The following TRHDE variants were observed in gnomAD, a reference collection of about 807,000 sequenced individuals.
The protein encoded by TRHDE is thyrotropin releasing hormone degrading enzyme.
Under a neutral mutation model 125.7 loss-of-function variants are expected in TRHDE, and 72 were observed. The ratio of observed to expected loss-of-function variants is 0.57; its 90% CI spans 0.47 to 0.70. The LOEUF is 0.70. TRHDE is among the 30% of genes least tolerant of loss of function. TRHDE has a pLI of 0.00. For missense variants in TRHDE, 1,110 were observed against 1,327.1 expected (o/e 0.84, Z 2.54); for synonymous variants, 509 against 509.1 (o/e 1.00, Z 0.00).
chr12:72,546,884 C>G (rs1331754465), intron 7 of TRHDE, among the ~76,000 whole-genome samples: 1 of 151,698 alleles, frequency 6.6e-6, no homozygotes, highest in Non-Finnish European at 1.5e-5. Context: ...AGCCCACATG[C>G]CTGCTCTCTG....
At chr12:72,535,170 AT>A (rs1160444714) in intron 6 of TRHDE, among the ~76,000 whole-genome samples, 1 of 152,070 alleles carries the variant, frequency 6.6e-6, no homozygotes, top group East Asian at 1.9e-4. Context: ...TCTCAGAAAA[AT>A]TTTGAAATAG....
chr12:72,158,180 G>A (rs1876559833), intron 2 of TRHDE, among the ~76,000 whole-genome samples: 1 of 152,052 alleles, frequency 6.6e-6, no homozygotes, highest in Non-Finnish European at 1.5e-5. Context: ...ATTGCAAGAG[G>A]ATATAGGCAA....
At position 72,297,234 on chromosome 12, in the gene TRHDE, A is replaced by C. The variant is rs568675799; in HGVS notation, c.1188+10280A>C. ...ATGGTACCCGGAGAAGCAGGGAGGCAAGTGAACCCATAATGGAAGTGATGT... is the reference window on the plus strand; with the variant it reads ...ATGGTACCCGGAGAAGCAGGGAGGCCAGTGAACCCATAATGGAAGTGATGT... On this transcript the variant is annotated intron_variant, in intron 2 of 18. Coordinates refer to ENST00000261180, the MANE Select transcript of TRHDE (RefSeq NM_013381.3). Among the ~76,000 whole-genome samples the C allele has an allele frequency of 2.6e-5, 4 of 152,274 alleles. No homozygotes were observed. The East Asian group carries it at 7.7e-4, about 29-fold the overall frequency.
At chr12:72,297,723 C>T (rs1880355616) in intron 2 of TRHDE, among the ~76,000 whole-genome samples, 1 of 152,190 alleles carries the variant, frequency 6.6e-6, no homozygotes, top group Non-Finnish European at 1.5e-5. Context: ...AGAAAGTGCT[C>T]ATCCTTCTCT....
At chr12:72,242,336 A>G (rs1321883109) in intron 2 of TRHDE, among the ~76,000 whole-genome samples, 1 of 152,038 alleles carries the variant, frequency 6.6e-6, no homozygotes, top group Non-Finnish European at 1.5e-5. Flanking sequence ...CTGGGGCTTT[A>G]TTTACCCTGC....
At chr12:72,218,870 T>C (rs889916600) in intron 2 of TRHDE, among the ~76,000 whole-genome samples, 4 of 152,192 alleles carry the variant, frequency 2.6e-5, no homozygotes, top group Non-Finnish European at 5.9e-5. Flanking sequence ...TTTACTAAGA[T>C]GCTTTCTCCA....
chr12:72,319,233 C>A (rs1305264434), intron 2 of TRHDE, among the ~76,000 whole-genome samples: 5 of 152,100 alleles, frequency 3.3e-5, no homozygotes, highest in Admixed American at 3.3e-4. Flanking sequence ...TTTCTGATGT[C>A]TCATAGAGGG....
intron 2 of TRHDE, among the ~76,000 whole-genome samples, chr12:72,217,913 TTTAAGA>T (rs1266804736): frequency 6.6e-6 from 1 of 152,140 alleles, no homozygotes; most frequent in Non-Finnish European, 1.5e-5. Context: ...TAAGACAAAC[TTTAAGA>T]TTAGTATTAA....
At chr12:72,291,715 A>G (rs775647371) in intron 2 of TRHDE, among the ~76,000 whole-genome samples, 2 of 152,238 alleles carry the variant, frequency 1.3e-5, no homozygotes, top group African/African-American at 2.4e-5. Context: ...TGGGTATTGT[A>G]TGCAATCTAG....
At chr12:72,400,209 G>C (rs1370986847) in intron 3 of TRHDE, among the ~76,000 whole-genome samples, 1 of 152,078 alleles carries the variant, frequency 6.6e-6, no homozygotes, top group Admixed American at 6.6e-5. Flanking sequence ...AATTTTTACA[G>C]TGAAAATTTA....
intron 3 of TRHDE, among the ~76,000 whole-genome samples, chr12:72,443,518 G>A (rs1875125372): frequency 6.6e-6 from 1 of 151,570 alleles, no homozygotes; most frequent in South Asian, 2.1e-4. Flanking sequence ...CATAATAGCT[G>A]GGTATAAACA....
intron 2 of TRHDE, among the ~76,000 whole-genome samples, chr12:72,248,004 T>C (rs4572182): frequency 0.77 from 117,004 of 152,074 alleles, 45,948 homozygotes; most frequent in Non-Finnish European, 0.85. Context: ...TGTCTCAGTG[T>C]GTATGTATGC....
chr12:72,489,106 C>A (rs1028683454), intron 5 of TRHDE, among the ~76,000 whole-genome samples: 8 of 149,760 alleles, frequency 5.3e-5, no homozygotes, highest in African/African-American at 1.7e-4. Context: ...AAAAGAAGAC[C>A]ATACAAAATC....
chr12:72,376,755 A>G (rs949426157), intron 2 of TRHDE, among the ~76,000 whole-genome samples: 2 of 152,088 alleles, frequency 1.3e-5, no homozygotes, highest in Non-Finnish European at 2.9e-5. Flanking sequence ...ATAAATAATA[A>G]TAGATGATGT....
chr12:72,187,437 A>AG (rs1877243263), intron 2 of TRHDE, among the ~76,000 whole-genome samples: 3 of 97,648 alleles, frequency 3.1e-5, no homozygotes, highest in Admixed American at 1.0e-4. Context: ...CTGAGGCCCG[A>AG]GGTGGGGGGG....
At chr12:72,603,750 A>AAAC (rs1034070190) in intron 12 of TRHDE, among the ~76,000 whole-genome samples, 107 of 145,886 alleles carry the variant, frequency 7.3e-4, no homozygotes, top group African/African-American at 2.3e-3. Context: ...AAACAAAACA[A>AAAC]AACAACAACA....
intron 2 of TRHDE, among the ~76,000 whole-genome samples, chr12:72,343,825 C>G (rs1261596030): frequency 6.6e-6 from 1 of 152,040 alleles, no homozygotes; most frequent in Non-Finnish European, 1.5e-5. Flanking sequence ...AGTGAGAGAT[C>G]CCTTCTCAGG....
At chr12:72,271,041 C>T (rs916212981), upstream of TRHDE, among the ~76,000 whole-genome samples, 1 of 152,148 alleles carries the variant, frequency 6.6e-6, no homozygotes, top group Non-Finnish European at 1.5e-5. Context: ...ATTCGTTCAC[C>T]GTTCTAATAA....
At chr12:72,382,462 C>A (rs1171657537) in intron 3 of TRHDE, among the ~76,000 whole-genome samples, 1 of 152,058 alleles carries the variant, frequency 6.6e-6, no homozygotes, top group African/African-American at 2.4e-5. Flanking sequence ...ACAATACTAA[C>A]AATACCCATC....
Sources: gnomAD v4.1 joint callset for allele counts (sites outside exome capture counted in the v4.1 genomes callset) on GRCh38, gnomAD v4.1.1 for gene constraint, MANE v1.5 for transcripts, NCBI Gene and HGNC (gene_info 2026-07-23, HGNC 2026-07-21) for gene names.